UBE2R2: variants seen among roughly 807,000 people sequenced by gnomAD.
UBE2R2 encodes ubiquitin conjugating enzyme E2 R2.
In UBE2R2, 1 loss-of-function variant was observed where a neutral mutation model predicts 27.8. The observed-to-expected ratio is 0.04, with a 90% CI of 0.01 to 0.17. The LOEUF is 0.17. Among genes scored for constraint, UBE2R2 ranks in the 10% least tolerant of loss-of-function variants. The probability of loss-of-function intolerance (pLI) is 1.00; values close to 1 mark genes in which losing one functional copy is unlikely to be tolerated. For missense variants in UBE2R2, 100 were observed against 291.0 expected, an observed-to-expected ratio of 0.34 and a Z score of 4.78; for synonymous variants, 106 against 113.3, an observed-to-expected ratio of 0.94 and a Z score of 0.41.
Position 33,817,940 on chromosome 9 carries a change from C to T in UBE2R2, c.177+6C>T. On this transcript the variant is annotated splice_donor_region_variant and intron_variant, in intron 1 of 4. Coordinates refer to ENST00000263228, the MANE Select transcript of UBE2R2 (RefSeq NM_017811.4). The stretch of plus-strand genomic sequence containing the variant: ...ACGAAGGCGGCTACTTCAAGGTACC[C>T]TCACCCTCCTCCCGGACCCTGCTTC... 6.2e-7 allele frequency: 1 copy of T among 1,603,544 alleles called. No homozygotes were observed. Among genetic ancestry groups the T allele is most frequent in the Non-Finnish European group, 8.5e-7 (1 of 1,174,716 alleles).
At chr9:33,876,154 G>C (rs1448880569) in intron 1 of UBE2R2, among the ~76,000 whole-genome samples, 1 of 152,140 alleles carries the variant, frequency 6.6e-6, no homozygotes, top group Non-Finnish European at 1.5e-5. Flanking sequence ...CTGAGGTCAG[G>C]AGTTCGAGAC....
intron 1 of UBE2R2, among the ~76,000 whole-genome samples, chr9:33,838,864 C>G (rs377609088): frequency 3.9e-5 from 6 of 151,980 alleles, no homozygotes; most frequent in South Asian, 2.1e-4. Flanking sequence ...GGGTGGATCA[C>G]CTGAGATGAA....
At chr9:33,859,838 A>G (rs949113598) in intron 1 of UBE2R2, among the ~76,000 whole-genome samples, 27 of 147,246 alleles carry the variant, frequency 1.8e-4, no homozygotes, top group Non-Finnish European at 3.1e-4. Flanking sequence ...ATCTCTCTCT[A>G]TGACCAGGCT....
At chr9:33,831,579 G>A (rs570044034) in intron 1 of UBE2R2, among the ~76,000 whole-genome samples, 2 of 152,104 alleles carry the variant, frequency 1.3e-5, no homozygotes, top group African/African-American at 2.4e-5. Context: ...ACCACACCTG[G>A]CTAATTTTTG....
intron 1 of UBE2R2, among the ~76,000 whole-genome samples, chr9:33,828,668 TCTC>T (rs1820373474): frequency 6.6e-6 from 1 of 152,034 alleles, no homozygotes; most frequent in African/African-American, 2.4e-5. Flanking sequence ...TTTAAGCAAT[TCTC>T]CTGGCTCAGC....
rs1821373254 is a variant in UBE2R2 at position 33,866,787 on chromosome 9, T to C, written c.178-20094T>C. On this transcript the variant is annotated intron_variant, in intron 1 of 4. Transcript: ENST00000263228. ...TAATTTTGCTTATTCTTGAATTTCA[T>C]AATAGAGTCATACTCTTTATTCATA... Among the ~76,000 whole-genome samples, 5 of 152,350 alleles carry C rather than the reference T, an allele frequency of 3.3e-5. 1 individual carries two copies. The South Asian group carries it at 1.0e-3, about 32-fold the overall frequency.
chr9:33,894,595 G>C (rs1822057211), intron 2 of UBE2R2, among the ~76,000 whole-genome samples: 1 of 152,002 alleles, frequency 6.6e-6, no homozygotes, highest in African/African-American at 2.4e-5. Flanking sequence ...CACTACACCT[G>C]ACTAGTAAAA....
At chr9:33,897,024 A>ATTTTTTTTTTTTTTT (rs749987839) in intron 2 of UBE2R2, among the ~76,000 whole-genome samples, 2 of 40,596 alleles carry the variant, frequency 4.9e-5, no homozygotes, top group African/African-American at 2.0e-4. Flanking sequence ...CTGTGGCCTA[A>ATTTTTTTTTTTTTTT]TTTTTTTTTT....
chr9:33,822,195 G>A (rs1011136601), intron 1 of UBE2R2, among the ~76,000 whole-genome samples: 28 of 151,398 alleles, frequency 1.8e-4, no homozygotes, highest in African/African-American at 5.6e-4. Flanking sequence ...GGGTTCAAGC[G>A]ATTCTTCTGC....
intron 1 of UBE2R2, among the ~76,000 whole-genome samples, chr9:33,865,995 C>A (rs757817985): frequency 2.0e-5 from 3 of 151,710 alleles, no homozygotes; most frequent in Non-Finnish European, 4.4e-5. Flanking sequence ...CCACACTCGG[C>A]TAATTTTTGA....
chr9:33,861,897 G>A lies in UBE2R2; in HGVS notation c.178-24984G>A, dbSNP rs141232517. Among the ~76,000 whole-genome samples, 73 of 141,228 alleles carry A rather than the reference G, an allele frequency of 5.2e-4. No homozygotes were observed. The East Asian group carries it at 0.013, about 25-fold the overall frequency. The allele number at this position is 141,228 out of a possible 152,430, so 92.7% of individuals were successfully genotyped here. A position where few individuals can be genotyped will look rare whatever the true frequency, so the allele number is the denominator to read the frequency against. On this transcript the variant is annotated intron_variant, in intron 1 of 4. Coordinates refer to ENST00000263228, the MANE Select transcript of UBE2R2 (RefSeq NM_017811.4). ...AAGACGGAGTCTCACACTGTCGCCC[G>A]GGCTGGAGTGCAGTGGCACGATCTT...
chr9:33,840,380 A>T (rs1587436341), intron 1 of UBE2R2, among the ~76,000 whole-genome samples: 1 of 152,150 alleles, frequency 6.6e-6, no homozygotes, highest in East Asian at 1.9e-4. Context: ...ATTTAGTGTT[A>T]TGATGTCTTT....
At chr9:33,843,644 A>G (rs1820778992) in intron 1 of UBE2R2, among the ~76,000 whole-genome samples, 1 of 151,466 alleles carries the variant, frequency 6.6e-6, no homozygotes, top group African/African-American at 2.4e-5. Context: ...ACACCTGGCT[A>G]ATTTTAGTAT....
chr9:33,836,207 T>C (rs1405037618), intron 1 of UBE2R2, among the ~76,000 whole-genome samples: 1 of 152,014 alleles, frequency 6.6e-6, no homozygotes, highest in Non-Finnish European at 1.5e-5. Flanking sequence ...TCACCTACAA[T>C]ATTCAGTATA....
rs540196117 is a variant in UBE2R2, at chr9:33,822,155, G to A, written c.177+4221G>A. On this transcript the variant is annotated intron_variant, in intron 1 of 4. Coordinates refer to ENST00000263228, the MANE Select transcript of UBE2R2 (RefSeq NM_017811.4). ...TGCCCAGGCTGGAGTGCAGTGGAGC[G>A]ATCTCGGCTCACTGCAACCTCCGCC... 3.3e-5 allele frequency among the ~76,000 whole-genome samples: 5 copies of A among 150,404 alleles called. No individual in the cohort carries two copies. In the South Asian group the frequency reaches 6.3e-4, roughly 19 times the overall value.
chr9:33,877,269 C>T (rs1821626632), intron 1 of UBE2R2, among the ~76,000 whole-genome samples: 1 of 150,846 alleles, frequency 6.6e-6, no homozygotes, highest in Non-Finnish European at 1.5e-5. Flanking sequence ...GCAAGCTCCG[C>T]CTCCCAGGTT....
chr9:33,824,759 TG>T (rs1336158736), intron 1 of UBE2R2, among the ~76,000 whole-genome samples: 1 of 146,572 alleles, frequency 6.8e-6, no homozygotes, highest in East Asian at 2.0e-4. Flanking sequence ...GCCTAGATCA[TG>T]CCAGTGTACT....
chr9:33,875,482 C>G (rs369102420), intron 1 of UBE2R2, among the ~76,000 whole-genome samples: 45 of 152,274 alleles, frequency 3.0e-4, no homozygotes, highest in African/African-American at 1.0e-3. Flanking sequence ...TGCCACACCC[C>G]TGTAGTCCCA....
chr9:33,852,282 G>C (rs546385654), intron 1 of UBE2R2, among the ~76,000 whole-genome samples: 1 of 152,296 alleles, frequency 6.6e-6, no homozygotes, highest in Non-Finnish European at 1.5e-5. Flanking sequence ...CTGCATTCCA[G>C]CCTGTGTGAT....
Sources: gnomAD v4.1 joint callset for allele counts (sites outside exome capture counted in the v4.1 genomes callset) on GRCh38, gnomAD v4.1.1 for gene constraint, MANE v1.5 for transcripts, NCBI Gene and HGNC (gene_info 2026-07-23, HGNC 2026-07-21) for gene names.